The following RPF1 variants were observed in gnomAD, a reference collection of about 807,000 sequenced individuals.
RPF1 encodes the protein ribosome production factor 1 homolog, also known as ribosome production factor 1.
In RPF1, 34 loss-of-function variants were observed where a neutral mutation model predicts 41.9. The ratio of observed to expected loss-of-function variants is 0.81; its 90% CI spans 0.62 to 1.08. RPF1 has a LOEUF of 1.08. RPF1 is among the 50% of genes least tolerant of loss of function. RPF1 has a pLI of 0.00. For synonymous variants in RPF1, 140 were observed against 148.9 expected (o/e 0.94, Z 0.43); for missense variants, 425 against 435.2 (o/e 0.98, Z 0.21).
chr1:84,481,903 A>T (rs944108930), intron 2 of RPF1, among the ~76,000 whole-genome samples: 1 of 152,250 alleles, frequency 6.6e-6, no homozygotes, highest in African/African-American at 2.4e-5. Flanking sequence ...TATTTCATAC[A>T]TTCTTTGAAT....
intron 1 of RPF1, 60 bp downstream of exon 1, chr1:84,479,569 C>T (rs2101880689): frequency 1.3e-6 from 2 of 1,500,264 alleles, no homozygotes; most frequent in Middle Eastern, 1.8e-4. Context: ...TTAGGGCGGT[C>T]GCGGGGCGCA....
At chr1:84,496,566 T>TAA (rs34913814) in intron 8 of RPF1, among the ~76,000 whole-genome samples, 196 bp downstream of exon 8, 24 of 131,864 alleles carry the variant, frequency 1.8e-4, no homozygotes, top group African/African-American at 6.5e-4. Context: ...ACCCTTGAAC[T>TAA]AAAAAAAAAA....
At position 84,483,510 on chromosome 1, in the gene RPF1, G is replaced by A. The variant is rs929844485; in HGVS notation, c.366+515G>A. On this transcript the variant is annotated intron_variant, in intron 3 of 8. Coordinates refer to ENST00000370654, the MANE Select transcript of RPF1 (RefSeq NM_025065.7). ...TCGAACTCCTGATCACAGGTGATCC[G>A]CCCGCTTTGGCCTCCAAAAGTGCTG... is the stretch of plus-strand genomic sequence containing the variant. 5.0e-4 allele frequency among the ~76,000 whole-genome samples: 76 copies of A among 152,206 alleles called. 1 individual carries two copies. Among genetic ancestry groups the A allele is most frequent in the African/African-American group, 1.8e-3 (75 of 41,530 alleles).
At chr1:84,495,509 G>T in intron 6 of RPF1, 54 bp downstream of exon 6, 1 of 778,412 alleles carries the variant, frequency 1.3e-6, no homozygotes, top group South Asian at 1.6e-5. Context: ...ATATTTATTT[G>T]ATCAATAGAT....
intron 6 of RPF1, 75 bp downstream of exon 6, chr1:84,495,530 A>G: frequency 5.8e-6 from 4 of 690,948 alleles, no homozygotes; most frequent in Non-Finnish European, 9.7e-6. Context: ...GCTGTATCTT[A>G]TAGCTCTAAT....
At chr1:84,483,732 A>G (rs1245389606) in intron 3 of RPF1, among the ~76,000 whole-genome samples, 1 of 152,254 alleles carries the variant, frequency 6.6e-6, no homozygotes, top group African/African-American at 2.4e-5. Flanking sequence ...GCAACAGTGC[A>G]GAAAAAGAAG....
intron 3 of RPF1, among the ~76,000 whole-genome samples, chr1:84,488,429 G>A (rs961119864): frequency 6.6e-6 from 1 of 152,060 alleles, no homozygotes; most frequent in African/African-American, 2.4e-5. Flanking sequence ...TTTTTGAATA[G>A]TGATGTTCTA....
At chr1:84,490,204 T>A in intron 4 of RPF1, 115 bp from the exon 5 acceptor site, 1 of 661,602 alleles carries the variant, frequency 1.5e-6, no homozygotes. Context: ...CTTTCCTCAA[T>A]GTTGCTTTCT....
intron 5 of RPF1, among the ~76,000 whole-genome samples, chr1:84,493,838 A>G (rs761293592): frequency 4.6e-4 from 70 of 152,228 alleles, no homozygotes; most frequent in Non-Finnish European, 8.4e-4. Flanking sequence ...TATATAGTAC[A>G]TAAGACTGTG....
intron 5 of RPF1, among the ~76,000 whole-genome samples, chr1:84,493,514 C>T (rs1681872930): frequency 1.3e-5 from 2 of 150,970 alleles, no homozygotes; most frequent in Admixed American, 6.6e-5. Context: ...TGCTTGAGCC[C>T]GAGAGGTTGA....
chr1:84,490,281 T>C (rs750559419), intron 4 of RPF1, 38 bp from the exon 5 acceptor site: 3 of 1,425,200 alleles, frequency 2.1e-6, no homozygotes, highest in African/African-American at 2.9e-5. Flanking sequence ...TATTCTTTTT[T>C]GAAAACTATT....
At chr1:84,486,431 CA>C (rs989012022) in intron 3 of RPF1, among the ~76,000 whole-genome samples, 1 of 151,316 alleles carries the variant, frequency 6.6e-6, no homozygotes, top group Non-Finnish European at 1.5e-5. Context: ...ACTAAAAATA[CA>C]AAAAAATTAG....
chr1:84,482,409 A>G (rs1681665685), intron 2 of RPF1, among the ~76,000 whole-genome samples: 3 of 152,206 alleles, frequency 2.0e-5, no homozygotes, highest in Admixed American at 2.0e-4. Context: ...AAATAGGGAT[A>G]CTATGTATTT....
At chr1:84,494,999 C>T (rs985783144) in intron 5 of RPF1, among the ~76,000 whole-genome samples, 3 of 152,120 alleles carry the variant, frequency 2.0e-5, no homozygotes, top group Non-Finnish European at 4.4e-5. Flanking sequence ...GAGGTAAACT[C>T]ATACTCTATT....
intron 2 of RPF1, among the ~76,000 whole-genome samples, chr1:84,481,354 C>T (rs967380507): frequency 5.3e-5 from 8 of 152,098 alleles, no homozygotes; most frequent in Admixed American, 5.2e-4. Flanking sequence ...TTGCATATAA[C>T]TTTGTGTTTC....
At chr1:84,484,698 T>G (rs1487260775) in intron 3 of RPF1, among the ~76,000 whole-genome samples, 1 of 151,870 alleles carries the variant, frequency 6.6e-6, no homozygotes, top group East Asian at 1.9e-4. Flanking sequence ...TTTTTTTTTT[T>G]TCTCCGAGGT....
chr1:84,489,395 T>A (rs1182773202), intron 3 of RPF1, among the ~76,000 whole-genome samples: 1 of 152,176 alleles, frequency 6.6e-6, no homozygotes, highest in Non-Finnish European at 1.5e-5. Flanking sequence ...CATCTCAGTT[T>A]CTGCCCTGAA....
intron 3 of RPF1, among the ~76,000 whole-genome samples, chr1:84,488,553 CATTTT>C (rs1681774427): frequency 1.3e-5 from 2 of 151,990 alleles, no homozygotes; most frequent in South Asian, 4.1e-4. Flanking sequence ...ATTTTTCTCC[CATTTT>C]TGTGCCTTCT....
chr1:84,496,301 CT>C lies in RPF1; in HGVS notation c.941del (p.Leu314Ter). 6.2e-7 allele frequency: 1 copy of C among 1,613,196 alleles called. No individual in the cohort carries two copies. ...GIQELGPRFT[L>X]KLRSLQKGTF... is the part of the protein sequence containing the mutation. The stretch of plus-strand genomic sequence containing the variant: ...TTCAGGAACTTGGACCACGTTTTAC[CT>C]TAAAATTAAGGTCTCTTCAGAAAGG... On this transcript the variant is annotated frameshift_variant, in exon 8 of 9. Transcript: ENST00000370654. LOFTEE classifies it high-confidence loss of function.
Sources: gnomAD v4.1 joint callset for allele counts (sites outside exome capture counted in the v4.1 genomes callset) on GRCh38, gnomAD v4.1.1 for gene constraint, MANE v1.5 for transcripts, NCBI Gene and HGNC (gene_info 2026-07-23, HGNC 2026-07-21) for gene names.